The following VWA2 variants were observed in gnomAD, a reference collection of about 807,000 sequenced individuals.
VWA2 encodes von Willebrand factor A domain containing 2.
A neutral mutation model predicts 70.4 loss-of-function variants in VWA2; 73 were observed. The ratio of observed to expected loss-of-function variants is 1.04; its 90% CI spans 0.86 to 1.26. The LOEUF (loss-of-function observed/expected upper bound fraction) is 1.26, where lower values mean the gene tolerates loss of function less well. Ranked by LOEUF, VWA2 falls within the 50% of genes most tolerant of loss-of-function variation. The probability of loss-of-function intolerance (pLI) is 0.00; values close to 1 mark genes in which losing one functional copy is unlikely to be tolerated. For synonymous variants in VWA2, 407 were observed against 423.3 expected (o/e 0.96, Z 0.47); for missense variants, 1,011 against 998.5 (o/e 1.01, Z -0.17).
chr10:114,268,317 C>T (rs2133349827), intron 5 of VWA2, among the ~76,000 whole-genome samples: 1 of 143,954 alleles, frequency 6.9e-6, no homozygotes, highest in Middle Eastern at 3.8e-3. Flanking sequence ...CTTCAACTTG[C>T]AACCTAGTTT....
In VWA2 at chr10:114,292,660, T is replaced by C. The variant is rs770445577; in HGVS notation, c.*1423T>C. On this transcript the variant is annotated 3_prime_UTR_variant, in exon 14 of 14. Transcript: ENST00000392982. Reference sequence around the variant, plus strand: ...GGTTGTGTTGTTTAGAGTTGGATTTTCTGTAGAAATCTTTCTAGAGCTCTG... The same window carrying C: ...GGTTGTGTTGTTTAGAGTTGGATTTCCTGTAGAAATCTTTCTAGAGCTCTG... 2.6e-5 allele frequency among the ~76,000 whole-genome samples: 4 copies of C among 151,604 alleles called. No homozygotes were observed. The highest frequency in any genetic ancestry group is 5.9e-5 in the Non-Finnish European group (4 of 67,986).
At chr10:114,290,188 G>A (rs1051973713) in intron 12 of VWA2, 52 bp from the exon 13 acceptor site, 12 of 1,542,002 alleles carry the variant, frequency 7.8e-6, no homozygotes, top group South Asian at 4.8e-5. Flanking sequence ...AGGGGTCTTC[G>A]GGTCTAACCC....
intron 11 of VWA2, 114 bp from the exon 12 acceptor site, chr10:114,288,824 T>C (rs2039225616): frequency 9.3e-7 from 1 of 1,076,780 alleles, no homozygotes; most frequent in South Asian, 1.5e-5. Context: ...TATTCTGCAG[T>C]GAACAGAGCA....
Position 114,289,193 on chromosome 10 carries a change from C to T in VWA2, c.1826C>T (p.Ser609Leu). ...GCCCCCTACCTAGGTGGGGTGGGCT[C>T]AGCCGGCACCGCCCTGCTGCACATC... ...SQAPYLGGVG[S>L]AGTALLHIYD... The change falls in exon 12 of 14, where the codon TCA becomes TTA. Residue 609 changes from serine to leucine, a missense_variant. Coordinates refer to ENST00000392982, the MANE Select transcript of VWA2 (RefSeq NM_001272046.2). The T allele has an allele frequency of 6.2e-7, 1 of 1,613,580 alleles. No homozygotes were observed.
chr10:114,291,450 G>T lies in VWA2; in HGVS notation c.*213G>T. 1.8e-6 allele frequency: 1 copy of T among 565,344 alleles called. No individual in the cohort carries two copies. Among genetic ancestry groups the T allele is most frequent in the Non-Finnish European group, 3.0e-6 (1 of 330,604 alleles). The allele number at this position is 565,344 out of a possible 1,614,324, so 35.0% of individuals were successfully genotyped here. The stretch of plus-strand genomic sequence containing the variant: ...GCTGCTTAGAGACAAGAAAGCAGCT[G>T]ATGTCACCCACAAACGATGTTGTTG... On this transcript the variant is annotated 3_prime_UTR_variant, in exon 14 of 14. Transcript: ENST00000392982.
chr10:114,279,396 C>T (rs942204029), intron 8 of VWA2, among the ~76,000 whole-genome samples: 2 of 152,016 alleles, frequency 1.3e-5, no homozygotes, highest in Admixed American at 6.5e-5. Flanking sequence ...TTCAGCACCT[C>T]TGTCCGGAGA....
chr10:114,264,999 C>A (rs1398681293), intron 5 of VWA2, among the ~76,000 whole-genome samples: 2 of 152,356 alleles, frequency 1.3e-5, no homozygotes, highest in East Asian at 3.9e-4. Context: ...GGATTAGAGG[C>A]ATGAGTCACC....
At chr10:114,246,068 CG>C in intron 1 of VWA2, 4 of 431,040 alleles carry the variant, frequency 9.3e-6, no homozygotes, top group South Asian at 3.5e-5. Flanking sequence ...TACCTGCCCC[CG>C]CCCCCCGCCC....
intron 11 of VWA2, among the ~76,000 whole-genome samples, chr10:114,288,133 A>G (rs2039136420): frequency 6.6e-6 from 1 of 152,172 alleles, no homozygotes; most frequent in Non-Finnish European, 1.5e-5. Flanking sequence ...TGGTCCCCAC[A>G]GGCCTCTCTG....
chr10:114,278,606 G>T, intron 7 of VWA2, 113 bp from the exon 8 acceptor site: 1 of 1,496,918 alleles, frequency 6.7e-7, no homozygotes, highest in South Asian at 1.2e-5. Context: ...TGGCCAGCCT[G>T]GAAGTGTGGT....
intron 4 of VWA2, among the ~76,000 whole-genome samples, chr10:114,258,221 T>C (rs1338800002): frequency 6.6e-6 from 1 of 152,238 alleles, no homozygotes; most frequent in Non-Finnish European, 1.5e-5. Flanking sequence ...TATTCTCTTT[T>C]TGTTGTCTCC....
chr10:114,253,387 C>A (rs1253819713), intron 2 of VWA2, among the ~76,000 whole-genome samples: 1 of 115,728 alleles, frequency 8.6e-6, no homozygotes, highest in African/African-American at 3.5e-5. Context: ...GAATCACAGA[C>A]TCTCTAGAAC....
chr10:114,240,631 G>A (rs1421736890), intron 1 of VWA2, among the ~76,000 whole-genome samples: 1 of 152,224 alleles, frequency 6.6e-6, no homozygotes. Flanking sequence ...ACTATATTAA[G>A]AAATGTCGAT....
At chr10:114,270,780 G>T (rs1432143097) in intron 5 of VWA2, among the ~76,000 whole-genome samples, 1 of 152,208 alleles carries the variant, frequency 6.6e-6, no homozygotes, top group Admixed American at 6.5e-5. Flanking sequence ...TTGGGAGTCA[G>T]TGGCGTGAGT....
intron 6 of VWA2, among the ~76,000 whole-genome samples, chr10:114,274,451 T>C (rs1159525318): frequency 1.3e-5 from 2 of 152,142 alleles, no homozygotes; most frequent in Non-Finnish European, 2.9e-5. Flanking sequence ...GGGAAGCAGC[T>C]GCAGCCTCGA....
At chr10:114,278,081 C>G in intron 7 of VWA2, 34 bp downstream of exon 7, 1 of 1,592,512 alleles carries the variant, frequency 6.3e-7, no homozygotes, top group Non-Finnish European at 8.6e-7. Flanking sequence ...AGTGGAAGTG[C>G]CATGTGGGGT....
chr10:114,263,610 T>G (rs1202291656), intron 5 of VWA2, among the ~76,000 whole-genome samples: 1 of 152,158 alleles, frequency 6.6e-6, no homozygotes, highest in Non-Finnish European at 1.5e-5. Flanking sequence ...GTGCTGGGAT[T>G]ACAGGTGTGA....
intron 4 of VWA2, among the ~76,000 whole-genome samples, chr10:114,255,978 C>G (rs144603498): frequency 2.0e-5 from 3 of 152,276 alleles, no homozygotes; most frequent in African/African-American, 7.2e-5. Flanking sequence ...ATTGGCAAAT[C>G]TTGAAAAAAA....
At chr10:114,268,758 G>C (rs2037633289) in intron 5 of VWA2, among the ~76,000 whole-genome samples, 5 of 150,624 alleles carry the variant, frequency 3.3e-5, no homozygotes. Flanking sequence ...GCAGTGGCGC[G>C]ATCTTGGCTC....
Sources: allele counts gnomAD v4.1 joint callset (sites outside exome capture counted in the v4.1 genomes callset), GRCh38; gene constraint gnomAD v4.1.1; transcripts MANE v1.5; gene names NCBI Gene and HGNC (gene_info 2026-07-23, HGNC 2026-07-21).